LYNX1: variants seen among roughly 807,000 people sequenced by gnomAD.
LYNX1 encodes ly-6/neurotoxin-like protein 1.
Under a neutral mutation model 8.3 loss-of-function variants are expected in LYNX1, and 8 were observed. That is an observed-to-expected ratio of 0.97 (90% CI 0.57 to 1.74). The LOEUF (loss-of-function observed/expected upper bound fraction) is 1.74, where lower values mean the gene tolerates loss of function less well. Among genes scored for constraint, LYNX1 ranks in the 40% most tolerant of loss-of-function variants. The pLI is 0.00. For missense variants in LYNX1, 158 were observed against 159.7 expected (o/e 0.99, Z 0.06); for synonymous variants, 73 against 67.9 (o/e 1.08, Z -0.37).
rs111461133 is a variant in LYNX1, at chr8:142,773,980, T to C, written c.*1187A>G. 2.7e-3 allele frequency: 2,662 copies of C among 985,324 alleles called. 46 individuals carry two copies. The African/African-American group carries it at 0.043, about 16-fold the overall frequency. 61.0% of individuals were successfully genotyped at this position (985,324 alleles called of 1,614,324 possible). A position where few individuals can be genotyped will look rare whatever the true frequency, so the allele number is the denominator to read the frequency against. On this transcript the variant is annotated 3_prime_UTR_variant, in exon 4 of 4. Transcript: ENST00000652477. ...TGCATCGGGGATGGATTGGTGCGTG[T>C]TGGGCTGACCCCTGCTTCCCAGGCC... is the stretch of plus-strand genomic sequence containing the variant.
rs1193064672 is a variant in LYNX1 at position 142,773,544 on chromosome 8, G to A, written c.*1623C>T. 2 of 985,484 alleles carry A rather than the reference G, an allele frequency of 2.0e-6. No individual in the cohort carries two copies. The highest frequency in any genetic ancestry group is 4.7e-5 in the South Asian group (1 of 21,292). 61.0% of individuals were successfully genotyped at this position (985,484 alleles called of 1,614,324 possible). A position where few individuals can be genotyped will look rare whatever the true frequency, so the allele number is the denominator to read the frequency against. ...CCAGCGGGAACTGGGTGTGCCCTCA[G>A]CAAGACTCTGCCCCCTCCCATCCTC... On this transcript the variant is annotated 3_prime_UTR_variant, in exon 4 of 4. Coordinates refer to ENST00000652477, the MANE Select transcript of LYNX1 (RefSeq NM_177477.4).
chr8:142,772,935 C>A lies in LYNX1; in HGVS notation c.*2232G>T, dbSNP rs1021730356. ...AGGTGTGAGAAGCTGCCCACCCCAC[C>A]CCTCAACACCACAGCACTTCCAGCT... On this transcript the variant is annotated 3_prime_UTR_variant, in exon 4 of 4. Coordinates refer to ENST00000652477, the MANE Select transcript of LYNX1 (RefSeq NM_177477.4). The A allele has an allele frequency of 6.1e-6, 6 of 985,744 alleles. No individual in the cohort carries two copies. The highest frequency in any genetic ancestry group is 1.7e-5 in the African/African-American group (1 of 57,218). The allele number at this position is 985,744 out of a possible 1,614,324, so 61.1% of individuals were successfully genotyped here. A position where few individuals can be genotyped will look rare whatever the true frequency, so the allele number is the denominator to read the frequency against.
Position 142,773,663 on chromosome 8 carries a change from G to A in LYNX1, c.*1504C>T. ...GACTCACTGCAAGGAGACCCCTGGG[G>A]TGGAGACCCTCATTCCCTGATCCCC... On this transcript the variant is annotated 3_prime_UTR_variant, in exon 4 of 4. Coordinates refer to ENST00000652477, the MANE Select transcript of LYNX1 (RefSeq NM_177477.4). The A allele has an allele frequency of 1.0e-6, 1 of 985,412 alleles. No individual in the cohort carries two copies. Among genetic ancestry groups the A allele is most frequent in the South Asian group, 4.7e-5 (1 of 21,284 alleles). 61.0% of individuals were successfully genotyped at this position (985,412 alleles called of 1,614,324 possible). A position where few individuals can be genotyped will look rare whatever the true frequency, so the allele number is the denominator to read the frequency against.
chr8:142,775,418 C>G, intron 3 of LYNX1, 55 bp from the exon 4 acceptor site: 2 of 1,596,292 alleles, frequency 1.3e-6, no homozygotes, highest in Admixed American at 3.4e-5. Context: ...GGAGACCCAG[C>G]TGGCCCCACC....
upstream of LYNX1, chr8:142,777,300 A>C (rs1815463226): frequency 6.8e-6 from 1 of 146,486 alleles, no homozygotes; most frequent in South Asian, 2.2e-4. Context: ...AGCTCACCGC[A>C]GGCCCCGCCC....
chr8:142,775,363 T>A lies in LYNX1; in HGVS notation c.155A>T (p.Tyr52Phe). The change falls in exon 4 of 4, where the codon TAC (tyrosine) becomes TTC (phenylalanine). Residue 52 changes from tyrosine (Y) to phenylalanine (F), a missense_variant and splice_region_variant. Tyr to Phe is a conservative substitution (Grantham distance 22). Transcript: ENST00000652477. ...MVAYCMTTRT[Y>F]YTPTRMKVSK... ...GACCTTCATCCTGGTGGGGGTGTAGTCTGCAGAGGGGCGGGGCGGTGAGCC... is the reference window on the plus strand; with the variant it reads ...GACCTTCATCCTGGTGGGGGTGTAGACTGCAGAGGGGCGGGGCGGTGAGCC... 2.5e-6 allele frequency: 4 copies of A among 1,612,748 alleles called. No individual in the cohort carries two copies. Among genetic ancestry groups the A allele is most frequent in the Non-Finnish European group, 3.4e-6 (4 of 1,179,492 alleles).
chr8:142,771,234 AGAC>A lies in LYNX1; in HGVS notation c.*3930_*3932del. On this transcript the variant is annotated 3_prime_UTR_variant, in exon 4 of 4. Coordinates refer to ENST00000652477, the MANE Select transcript of LYNX1 (RefSeq NM_177477.4). Reference sequence around the variant, plus strand: ...CTGTTGATTTATTTACGGCTCGGTGAGACGACGCTGGACGCTGGTTAGGGTAAG... The same window carrying A: ...CTGTTGATTTATTTACGGCTCGGTGAGACGCTGGACGCTGGTTAGGGTAAG... The A allele has an allele frequency of 1.0e-6, 1 of 985,378 alleles. No homozygotes were observed. Among genetic ancestry groups the A allele is most frequent in the South Asian group, 4.7e-5 (1 of 21,292 alleles). The allele number at this position is 985,378 out of a possible 1,614,324, so 61.0% of individuals were successfully genotyped here. A position where few individuals can be genotyped will look rare whatever the true frequency, so the allele number is the denominator to read the frequency against.
rs757801974 is a variant in LYNX1 at position 142,775,634 on chromosome 8, C to T, written c.113G>A (p.Arg38His). The change falls in exon 3 of 4, where the codon CGC becomes CAC. Residue 38 changes from arginine (R) to histidine (H), a missense_variant. Physicochemically the swap from Arg to His is conservative, Grantham distance 29. Coordinates refer to ENST00000652477, the MANE Select transcript of LYNX1 (RefSeq NM_177477.4). ...YNGDNCFNPM[R>H]CPAMVAYCMT... ...GCAGTAGGCAACCATAGCCGGGCAGCGCATGGGGTTGAAGCAGTTGTCTCC... is the reference window on the plus strand; with the variant it reads ...GCAGTAGGCAACCATAGCCGGGCAGTGCATGGGGTTGAAGCAGTTGTCTCC... 2.7e-5 allele frequency: 44 copies of T among 1,602,636 alleles called. No homozygotes were observed. In the Admixed American group the frequency reaches 2.9e-4, roughly 11 times the overall value.
At chr8:142,775,853 C>A (rs1587616908) in intron 2 of LYNX1, 53 bp downstream of exon 2, 3 of 1,607,628 alleles carry the variant, frequency 1.9e-6, no homozygotes, top group East Asian at 4.5e-5. Context: ...TACTGTCAGC[C>A]CATCTGCCCT....
At position 142,771,873 on chromosome 8, in the gene LYNX1, A is replaced by C. The variant is rs966967965; in HGVS notation, c.*3294T>G. 3.4e-5 allele frequency: 34 copies of C among 985,830 alleles called. No individual in the cohort carries two copies. In the African/African-American group the frequency reaches 5.8e-4, roughly 17 times the overall value. The allele number at this position is 985,830 out of a possible 1,614,324, so 61.1% of individuals were successfully genotyped here. A position where few individuals can be genotyped will look rare whatever the true frequency, so the allele number is the denominator to read the frequency against. On this transcript the variant is annotated 3_prime_UTR_variant, in exon 4 of 4. Transcript: ENST00000652477. ...CCGCAGCCCTGCCCCCAAAGACCCC[A>C]GGACAGACCAGAGCTCCTGCTGGAG...
Position 142,771,550 on chromosome 8 carries a change from G to C in LYNX1, c.*3617C>G. 1 of 985,500 alleles carries C rather than the reference G, an allele frequency of 1.0e-6. No homozygotes were observed. Among genetic ancestry groups the C allele is most frequent in the Non-Finnish European group, 1.2e-6 (1 of 829,980 alleles). The allele number at this position is 985,500 out of a possible 1,614,324, so 61.0% of individuals were successfully genotyped here. A position where few individuals can be genotyped will look rare whatever the true frequency, so the allele number is the denominator to read the frequency against. ...TGTCTGGGAGGCTCCTTAAGGCTGG[G>C]GAGGGCCCAGAGGGAAGGAGATCCT... On this transcript the variant is annotated 3_prime_UTR_variant, in exon 4 of 4. Coordinates refer to ENST00000652477, the MANE Select transcript of LYNX1 (RefSeq NM_177477.4).
At position 142,774,233 on chromosome 8, in the gene LYNX1, G is replaced by T. The variant is rs112126226; in HGVS notation, c.*934C>A. ...GCCTTCCCACGCCCAGGCCCGCGCCGGCCCCAGGCTGCTCCCAACCCCCAG... is the reference window on the plus strand; with the variant it reads ...GCCTTCCCACGCCCAGGCCCGCGCCTGCCCCAGGCTGCTCCCAACCCCCAG... On this transcript the variant is annotated 3_prime_UTR_variant, in exon 4 of 4. Transcript: ENST00000652477. The T allele has an allele frequency of 3.7e-5, 36 of 976,070 alleles. No homozygotes were observed. In the East Asian group the frequency reaches 2.1e-3, roughly 58 times the overall value. 60.5% of individuals were successfully genotyped at this position (976,070 alleles called of 1,614,324 possible). A position where few individuals can be genotyped will look rare whatever the true frequency, so the allele number is the denominator to read the frequency against.
At chr8:142,775,398 A>T (rs1353315393) in intron 3 of LYNX1, 35 bp from the exon 4 acceptor site, 1 of 1,607,004 alleles carries the variant, frequency 6.2e-7, no homozygotes, top group Non-Finnish European at 8.5e-7. Flanking sequence ...CAGCTCCGCT[A>T]AGAGGGGCAG....
chr8:142,775,531 G>C, intron 3 of LYNX1, 62 bp downstream of exon 3: 3 of 1,555,254 alleles, frequency 1.9e-6, no homozygotes, highest in African/African-American at 2.7e-5. Flanking sequence ...CATGCTCAGG[G>C]GCAGGGCAGA....
chr8:142,774,792 C>T lies in LYNX1; in HGVS notation c.*375G>A. ...TCCTTGTCTTCCCCCTGCCCCAGCA[C>T]ACCAGGGGCAGACTGAGGCAGGGGC... is the stretch of plus-strand genomic sequence containing the variant. On this transcript the variant is annotated 3_prime_UTR_variant, in exon 4 of 4. Coordinates refer to ENST00000652477, the MANE Select transcript of LYNX1 (RefSeq NM_177477.4). 12 of 1,096,604 alleles carry T rather than the reference C, an allele frequency of 1.1e-5. No individual in the cohort carries two copies. Among genetic ancestry groups the T allele is most frequent in the Non-Finnish European group, 1.3e-5 (12 of 899,800 alleles). 67.9% of individuals were successfully genotyped at this position (1,096,604 alleles called of 1,614,324 possible).
intron 3 of LYNX1, 55 bp downstream of exon 3, chr8:142,775,538 C>A: frequency 1.9e-6 from 3 of 1,555,946 alleles, no homozygotes; most frequent in Non-Finnish European, 2.6e-6. Context: ...AGGGGCAGGG[C>A]AGAACCTCCC....
At position 142,774,395 on chromosome 8, in the gene LYNX1, G is replaced by A. The variant is rs1315249124; in HGVS notation, c.*772C>T. The A allele has an allele frequency of 1.6e-5, 16 of 985,706 alleles. No individual in the cohort carries two copies. The highest frequency in any genetic ancestry group is 1.2e-4 in the Admixed American group (2 of 16,270). The allele number at this position is 985,706 out of a possible 1,614,324, so 61.1% of individuals were successfully genotyped here. On this transcript the variant is annotated 3_prime_UTR_variant, in exon 4 of 4. Transcript: ENST00000652477. ...CCAGAATAGCGCTGGCCGGGTCAGCGTCCAGGACCCACCAAATATAGCATG... is the reference window on the plus strand; with the variant it reads ...CCAGAATAGCGCTGGCCGGGTCAGCATCCAGGACCCACCAAATATAGCATG...
Position 142,774,240 on chromosome 8 carries a change from G to A in LYNX1, c.*927C>T, listed in dbSNP as rs1815306807. 2.0e-6 allele frequency: 2 copies of A among 977,818 alleles called. No homozygotes were observed. The highest frequency in any genetic ancestry group is 1.8e-5 in the African/African-American group (1 of 55,334). 60.6% of individuals were successfully genotyped at this position (977,818 alleles called of 1,614,324 possible). On this transcript the variant is annotated 3_prime_UTR_variant, in exon 4 of 4. Transcript: ENST00000652477. ...CACGCCCAGGCCCGCGCCGGCCCCA[G>A]GCTGCTCCCAACCCCCAGCCTGTGC...
rs1214891310 is a variant in LYNX1, at chr8:142,771,411, C to CTT, written c.*3754_*3755dup. The CTT allele has an allele frequency of 1.0e-6, 1 of 985,380 alleles. No individual in the cohort carries two copies. The highest frequency in any genetic ancestry group is 1.2e-6 in the Non-Finnish European group (1 of 829,982). The allele number at this position is 985,380 out of a possible 1,614,324, so 61.0% of individuals were successfully genotyped here. On this transcript the variant is annotated 3_prime_UTR_variant, in exon 4 of 4. Coordinates refer to ENST00000652477, the MANE Select transcript of LYNX1 (RefSeq NM_177477.4). ...GACCAGCATTCCCATTTCACCACCC[C>CTT]TTACTCCTCAAGATGCAAATGAAGC... is the stretch of plus-strand genomic sequence containing the variant.
Sources: gnomAD v4.1 joint callset for allele counts on GRCh38, gnomAD v4.1.1 for gene constraint, MANE v1.5 for transcripts, NCBI Gene and HGNC (gene_info 2026-07-23, HGNC 2026-07-21) for gene names.